Variants in MTHFD1 observed in about 807,000 individuals in gnomAD.
The protein encoded by MTHFD1 is C-1-tetrahydrofolate synthase, cytoplasmic.
A neutral mutation model predicts 110.3 loss-of-function variants in MTHFD1; 44 were observed. That is an observed-to-expected ratio of 0.40 (90% CI 0.31 to 0.51). The LOEUF (loss-of-function observed/expected upper bound fraction) is 0.51. Among genes scored for constraint, MTHFD1 ranks in the 20% least tolerant of loss-of-function variants. The probability of loss-of-function intolerance (pLI) is 0.60; values close to 1 mark genes in which losing one functional copy is unlikely to be tolerated. For synonymous variants in MTHFD1, 402 were observed against 428.8 expected, an observed-to-expected ratio of 0.94 and a Z score of 0.77; for missense variants, 909 against 1,173.1, an observed-to-expected ratio of 0.77 and a Z score of 3.29.
chr14:64,399,090 G>T (rs2077878215), intron 1 of MTHFD1, among the ~76,000 whole-genome samples: 1 of 152,272 alleles, frequency 6.6e-6, no homozygotes, highest in South Asian at 2.1e-4. Flanking sequence ...AATTTGGAGT[G>T]GGATTCATTG....
chr14:64,458,486 A>G, intron 27 of MTHFD1, 179 bp downstream of exon 27: 1 of 641,038 alleles, frequency 1.6e-6, no homozygotes. Flanking sequence ...ATGAATTGAA[A>G]TATTTATATT....
At chr14:64,410,768 A>G (rs2077977761) in intron 2 of MTHFD1, among the ~76,000 whole-genome samples, 1 of 152,034 alleles carries the variant, frequency 6.6e-6, no homozygotes, top group African/African-American at 2.4e-5. Context: ...TTTTTCTGGT[A>G]TGGCAGCAGA....
chr14:64,413,221 G>A (rs561921107), intron 4 of MTHFD1, among the ~76,000 whole-genome samples: 18 of 151,944 alleles, frequency 1.2e-4, no homozygotes, highest in Admixed American at 4.6e-4. Flanking sequence ...GCGTGGTGGC[G>A]CATGCCTGTA....
chr14:64,438,105 T>A (rs1356190388), intron 16 of MTHFD1, among the ~76,000 whole-genome samples: 1 of 152,200 alleles, frequency 6.6e-6, no homozygotes, highest in Non-Finnish European at 1.5e-5. Flanking sequence ...ACTTTTGACC[T>A]CAGGTGATCT....
At position 64,417,833 on chromosome 14, in the gene MTHFD1, C is replaced by G. The variant is rs751930476; in HGVS notation, c.479-55C>G. On this transcript the variant is annotated intron_variant, in intron 6 of 27. Transcript: ENST00000652337. The surrounding 1 kb of genome is among the most constrained non-coding windows in gnomAD (Gnocchi z 4.4). Reference sequence around the variant, plus strand: ...TATTCTAATTTCTCCACGTGGCATGCGAAGGAGGGCAGCTTCTATCCTCCA... The same window carrying G: ...TATTCTAATTTCTCCACGTGGCATGGGAAGGAGGGCAGCTTCTATCCTCCA... The G allele has an allele frequency of 2.2e-5, 35 of 1,609,448 alleles. No homozygotes were observed. The highest frequency in any genetic ancestry group is 4.5e-4 in the Middle Eastern group (2 of 4,442).
chr14:64,420,769 T>G (rs2078063022), intron 8 of MTHFD1, among the ~76,000 whole-genome samples: 2 of 152,186 alleles, frequency 1.3e-5, no homozygotes, highest in African/African-American at 4.8e-5. Flanking sequence ...CTAATTTCAG[T>G]GACCTCTGCA....
intron 25 of MTHFD1, 89 bp from the exon 26 acceptor site, chr14:64,454,634 G>T: frequency 5.7e-6 from 6 of 1,048,480 alleles, no homozygotes; most frequent in East Asian, 2.5e-5. Flanking sequence ...CGAATAAATT[G>T]AAGAATCCAT....
At chr14:64,435,523 G>A (rs1287990092) in intron 15 of MTHFD1, 46 bp from the exon 16 acceptor site, 18 of 1,296,768 alleles carry the variant, frequency 1.4e-5, no homozygotes, top group Admixed American at 5.0e-5. Context: ...CGTTTATTGT[G>A]CTTCTGTTTG....
intron 10 of MTHFD1, 79 bp from the exon 11 acceptor site, chr14:64,425,940 G>C: frequency 6.3e-7 from 1 of 1,591,312 alleles, no homozygotes; most frequent in Non-Finnish European, 8.6e-7. Flanking sequence ...GTTGGGGTTG[G>C]GTTGGGGGCT....
chr14:64,446,702 C>T (rs574209379), intron 22 of MTHFD1, among the ~76,000 whole-genome samples: 20 of 152,158 alleles, frequency 1.3e-4, no homozygotes, highest in African/African-American at 4.6e-4. Flanking sequence ...CCATCATGTC[C>T]GGCTAATTTT....
chr14:64,457,015 A>C (rs1261093281), intron 26 of MTHFD1, among the ~76,000 whole-genome samples: 1 of 152,216 alleles, frequency 6.6e-6, no homozygotes, highest in African/African-American at 2.4e-5. Context: ...TCTAAGTAGA[A>C]ATTTGTCAAA....
chr14:64,433,714 ATTTTTTT>A (rs1170650639), intron 15 of MTHFD1, among the ~76,000 whole-genome samples: 1 of 129,074 alleles, frequency 7.7e-6, no homozygotes, highest in South Asian at 2.4e-4. Flanking sequence ...TGAGCTCAGC[ATTTTTTT>A]TTTTTTTTTT....
chr14:64,410,948 C>G (rs1432705958), intron 2 of MTHFD1, 142 bp from the exon 3 acceptor site: 3 of 692,592 alleles, frequency 4.3e-6, no homozygotes, highest in Non-Finnish European at 5.2e-6. Context: ...GCCCCCACAG[C>G]CTCCCTATAC....
At chr14:64,401,810 A>C (rs2077900053) in intron 2 of MTHFD1, among the ~76,000 whole-genome samples, 2 of 152,248 alleles carry the variant, frequency 1.3e-5, no homozygotes, top group Admixed American at 1.3e-4. Flanking sequence ...TTTATGGAAC[A>C]AAAACTTTTT....
In MTHFD1 at chr14:64,440,142, CTG is replaced by C; in HGVS notation, c.1694_1695del (p.Val565GlyfsTer3). On this transcript the variant is annotated frameshift_variant, in exon 18 of 28. Transcript: ENST00000652337. LOFTEE classifies it high-confidence loss of function. The stretch of plus-strand genomic sequence containing the variant: ...TGCCCACAGGCCCAGTTTGATATCT[CTG>C]TGGCCAGTGAAATTATGGCTGTCCT... 1 of 1,613,856 alleles carries C rather than the reference CTG, an allele frequency of 6.2e-7. No homozygotes were observed. The highest frequency in any genetic ancestry group is 2.2e-5 in the East Asian group (1 of 44,886).
chr14:64,389,909 A>G (rs1290318393), intron 1 of MTHFD1, among the ~76,000 whole-genome samples: 1 of 152,226 alleles, frequency 6.6e-6, no homozygotes, highest in Admixed American at 6.5e-5. Flanking sequence ...GTGCATAATA[A>G]TAGTGCAGAT....
At chr14:64,406,503 T>C (rs1566557216) in intron 2 of MTHFD1, among the ~76,000 whole-genome samples, 1 of 148,944 alleles carries the variant, frequency 6.7e-6, no homozygotes, top group African/African-American at 2.5e-5. Flanking sequence ...TTTTTTTTTT[T>C]TTTTTTTGAG....
At position 64,391,175 on chromosome 14, in the gene MTHFD1, T is replaced by C. The variant is rs2077801455; in HGVS notation, c.41+2707T>C. On this transcript the variant is annotated intron_variant, in intron 1 of 27. Transcript: ENST00000652337. ...TTTTCTTTTCTTTCTTTCTTTCTTT[T>C]TATTTTTCAGACAAGGTCTTGCTCT... is the stretch of plus-strand genomic sequence containing the variant. 1.3e-5 allele frequency among the ~76,000 whole-genome samples: 2 copies of C among 152,266 alleles called. 1 individual carries two copies. Among genetic ancestry groups the C allele is most frequent in the South Asian group, 4.1e-4 (2 of 4,822 alleles).
In MTHFD1 at chr14:64,439,159, G is replaced by A. The variant is rs746960681; in HGVS notation, c.1661G>A (p.Gly554Asp). ...ITIGQAPTEK[G>D]HTRTAQFDIS... The stretch of plus-strand genomic sequence containing the variant: ...ATTGGACAGGCTCCAACGGAGAAGG[G>A]TCACACACGGACGGTAACAATTTGT... Residue 554 changes from glycine (G) to aspartate (D), a missense_variant, in exon 17 of 28, where the codon GGT becomes GAT. By Grantham distance (94) the Gly-to-Asp change is moderately conservative. This residue lies in a region of MTHFD1 where 482 missense variants were observed against 646.0 expected (regional missense o/e 0.75). Coordinates refer to ENST00000652337, the MANE Select transcript of MTHFD1 (RefSeq NM_005956.4). 1.2e-6 allele frequency: 2 copies of A among 1,613,746 alleles called. No homozygotes were observed.
Sources: gnomAD v4.1 joint callset for allele counts (sites outside exome capture counted in the v4.1 genomes callset) on GRCh38, gnomAD v4.1.1 for gene constraint, gnomAD v4.1.1 regional missense constraint, Gnocchi (gnomAD v3.1) non-coding constraint, MANE v1.5 for transcripts, NCBI Gene and HGNC (gene_info 2026-07-23, HGNC 2026-07-21) for gene names.